SND1: variants seen among roughly 807,000 people sequenced by gnomAD.
The protein encoded by SND1 is staphylococcal nuclease and tudor domain containing 1.
SND1 carries 38 observed loss-of-function variants against 121.7 expected under a neutral mutation model. That is an observed-to-expected ratio of 0.31 (90% CI 0.24 to 0.41). The LOEUF is 0.41. Among genes scored for constraint, SND1 ranks in the 10% least tolerant of loss-of-function variants. The pLI is 1.00. For synonymous variants in SND1, 401 were observed against 447.4 expected (o/e 0.90, Z 1.31); for missense variants, 868 against 1,184.6 (o/e 0.73, Z 3.92).
At chr7:127,683,136 G>A (rs1795756325) in intron 1 of SND1, among the ~76,000 whole-genome samples, 1 of 152,188 alleles carries the variant, frequency 6.6e-6, no homozygotes, top group African/African-American at 2.4e-5. Flanking sequence ...GACTGTTGGC[G>A]AGTAAGACAG....
At chr7:127,775,993 T>C (rs574590323) in intron 10 of SND1, among the ~76,000 whole-genome samples, 1 of 152,290 alleles carries the variant, frequency 6.6e-6, no homozygotes, top group South Asian at 2.1e-4. Flanking sequence ...TCACACATCA[T>C]GAAATACCCA....
At chr7:127,868,138 T>C (rs1799513639) in intron 12 of SND1, among the ~76,000 whole-genome samples, 1 of 152,198 alleles carries the variant, frequency 6.6e-6, no homozygotes, top group Admixed American at 6.5e-5. Context: ...ACGCCTGTAA[T>C]CCCAGCACTT....
chr7:127,875,842 C>A (rs1430706029), intron 12 of SND1, among the ~76,000 whole-genome samples: 1 of 152,146 alleles, frequency 6.6e-6, no homozygotes, highest in East Asian at 1.9e-4. Flanking sequence ...ATAGGTTGGA[C>A]AAGGTCATTG....
chr7:127,904,806 C>T lies in SND1; in HGVS notation c.1514C>T (p.Ala505Val). Reference sequence around the variant, plus strand: ...AAGGAAGTGCCTATCCACCGTGTTGCAGATATATCTGGGGTGAGTCGAGTC... The same window carrying T: ...AAGGAAGTGCCTATCCACCGTGTTGTAGATATATCTGGGGTGAGTCGAGTC... ...SKKEVPIHRVADISGDTQKAK... is the reference protein window; with the variant it reads ...SKKEVPIHRVVDISGDTQKAK... Residue 505 changes from alanine to valine, a missense_variant, in exon 14 of 24, where the codon GCA (alanine) becomes GTA (valine). Ala to Val is a moderately conservative substitution (Grantham distance 64, BLOSUM62 0). Coordinates refer to ENST00000354725, the MANE Select transcript of SND1 (RefSeq NM_014390.4). The T allele has an allele frequency of 6.2e-7, 1 of 1,606,918 alleles. No individual in the cohort carries two copies. Among genetic ancestry groups the T allele is most frequent in the South Asian group, 1.1e-5 (1 of 90,926 alleles).
At chr7:127,963,087 C>T (rs1801770787) in intron 15 of SND1, among the ~76,000 whole-genome samples, 1 of 152,060 alleles carries the variant, frequency 6.6e-6, no homozygotes, top group African/African-American at 2.4e-5. Context: ...CAGCCTTTGG[C>T]TAAAATCATT....
chr7:128,003,506 T>C (rs1287027913), intron 16 of SND1, among the ~76,000 whole-genome samples: 1 of 152,218 alleles, frequency 6.6e-6, no homozygotes, highest in African/African-American at 2.4e-5. Context: ...TGGAAGATCA[T>C]GCAAATAAGA....
Position 127,778,854 on chromosome 7 carries a change from T to G in SND1, c.1153-28630T>G, listed in dbSNP as rs567977733. ...AAGGCACCTATAAGGAGCCTCTAGC[T>G]TTTCATTTACTGCCCATCCACCTCA... On this transcript the variant is annotated intron_variant, in intron 10 of 23. Coordinates refer to ENST00000354725, the MANE Select transcript of SND1 (RefSeq NM_014390.4). Among the ~76,000 whole-genome samples, 90 of 152,274 alleles carry G rather than the reference T, an allele frequency of 5.9e-4. 1 individual carries two copies. Among genetic ancestry groups the G allele is most frequent in the East Asian group, 3.3e-3 (17 of 5,180 alleles).
At chr7:127,964,661 TGTA>T (rs976065975) in intron 15 of SND1, among the ~76,000 whole-genome samples, 2 of 151,760 alleles carry the variant, frequency 1.3e-5, no homozygotes, top group African/African-American at 4.8e-5. Context: ...ACCGTAGCCT[TGTA>T]GTATAGTTTG....
chr7:127,657,800 A>G (rs916599357), intron 1 of SND1, among the ~76,000 whole-genome samples: 2 of 152,146 alleles, frequency 1.3e-5, no homozygotes, highest in South Asian at 2.1e-4. Flanking sequence ...CACTTGGCCT[A>G]TGATTTATTC....
chr7:127,968,836 C>G (rs1325792202), intron 15 of SND1, among the ~76,000 whole-genome samples: 2 of 152,180 alleles, frequency 1.3e-5, no homozygotes, highest in Non-Finnish European at 2.9e-5. Context: ...AATCAAGGGC[C>G]CTGGCAGGGC....
intron 2 of SND1, among the ~76,000 whole-genome samples, chr7:127,688,688 C>G (rs1197249553): frequency 2.0e-5 from 3 of 151,428 alleles, no homozygotes; most frequent in African/African-American, 7.3e-5. Context: ...TGCCACTACA[C>G]TGCAGCCTGG....
chr7:127,970,683 A>C (rs1563074516), intron 15 of SND1, among the ~76,000 whole-genome samples: 1 of 152,164 alleles, frequency 6.6e-6, no homozygotes, highest in Admixed American at 6.5e-5. Flanking sequence ...CTTGCTGTTA[A>C]TCCCTTTTCA....
intron 14 of SND1, among the ~76,000 whole-genome samples, chr7:127,922,198 T>TTTTTTTTTTTTTTTTTTTTG (rs1800731864): frequency 7.9e-6 from 1 of 126,872 alleles, no homozygotes; most frequent in African/African-American, 3.0e-5. Context: ...TTTTTTTTTT[T>TTTTTTTTTTTTTTTTTTTTG]TTTTTGTTTT....
chr7:128,074,009 C>A (rs146546779), intron 16 of SND1, among the ~76,000 whole-genome samples: 1 of 152,200 alleles, frequency 6.6e-6, no homozygotes, highest in African/African-American at 2.4e-5. Flanking sequence ...TCCTCTCCCC[C>A]TCTCCTCTCC....
intron 21 of SND1, among the ~76,000 whole-genome samples, chr7:128,088,252 C>G (rs1248836778): frequency 6.7e-6 from 1 of 148,612 alleles, no homozygotes; most frequent in Admixed American, 6.7e-5. Flanking sequence ...CAAAACCACC[C>G]TGGGCAACAT....
At chr7:128,053,093 T>C (rs771449424) in intron 16 of SND1, among the ~76,000 whole-genome samples, 2 of 152,226 alleles carry the variant, frequency 1.3e-5, no homozygotes, top group Admixed American at 6.5e-5. Context: ...GAAGGGTCTC[T>C]TTAGAGAGTC....
intron 13 of SND1, among the ~76,000 whole-genome samples, chr7:127,894,752 G>T (rs1263586394): frequency 2.6e-5 from 4 of 151,286 alleles, no homozygotes; most frequent in Non-Finnish European, 4.4e-5. Context: ...AGAAACAGTG[G>T]TCAAGGCTGG....
At position 127,939,650 on chromosome 7, in the gene SND1, C is replaced by T. The variant is rs58436429; in HGVS notation, c.1669+10321C>T. Among the ~76,000 whole-genome samples, 496 of 152,306 alleles carry T rather than the reference C, an allele frequency of 3.3e-3. 2 individuals carry two copies. The highest frequency in any genetic ancestry group is 0.011 in the African/African-American group (437 of 41,568). On this transcript the variant is annotated intron_variant, in intron 15 of 23. Coordinates refer to ENST00000354725, the MANE Select transcript of SND1 (RefSeq NM_014390.4). ...CCAGCCTATCTAGGGCCTCCTATAA[C>T]TAGCAAAAGATAGTCCTAGTGGTGT...
intron 10 of SND1, among the ~76,000 whole-genome samples, chr7:127,803,209 A>G (rs1798167022): frequency 6.6e-6 from 1 of 152,082 alleles, no homozygotes; most frequent in Non-Finnish European, 1.5e-5. Flanking sequence ...TTTTCTTCCG[A>G]TGACTGGGCA....
Sources: gnomAD v4.1 joint callset for allele counts (sites outside exome capture counted in the v4.1 genomes callset) on GRCh38, gnomAD v4.1.1 for gene constraint, MANE v1.5 for transcripts, NCBI Gene and HGNC (gene_info 2026-07-23, HGNC 2026-07-21) for gene names.